PCNX2: variants seen among roughly 807,000 people sequenced by gnomAD.
The protein encoded by PCNX2 is pecanex-like protein 2.
PCNX2 carries 168 observed loss-of-function variants against 223.8 expected under a neutral mutation model. The observed-to-expected ratio is 0.75, with a 90% confidence interval of 0.66 to 0.85. The LOEUF is 0.85. Among genes scored for constraint, PCNX2 ranks in the 40% least tolerant of loss-of-function variants. The pLI is 0.00. For missense variants in PCNX2, 2,507 were observed against 2,675.5 expected (o/e 0.94, Z 1.39); for synonymous variants, 1,006 against 1,052.6 (o/e 0.96, Z 0.86).
chr1:233,156,667 C>T (rs1678149675), intron 19 of PCNX2, among the ~76,000 whole-genome samples: 1 of 152,120 alleles, frequency 6.6e-6, no homozygotes, highest in African/African-American at 2.4e-5. Context: ...CTTGTAATCC[C>T]AGCACTTTGG....
At chr1:233,271,389 A>AG (rs1035695705) in intron 1 of PCNX2, among the ~76,000 whole-genome samples, 32 of 152,340 alleles carry the variant, frequency 2.1e-4, no homozygotes, top group African/African-American at 7.7e-4. Flanking sequence ...TTTTGGCTTG[A>AG]CAAAGTCAAA....
chr1:233,035,568 C>T (rs2102850152), intron 25 of PCNX2, among the ~76,000 whole-genome samples: 1 of 152,310 alleles, frequency 6.6e-6, no homozygotes, highest in South Asian at 2.1e-4. Context: ...AAACCACCCA[C>T]CCATAAAGCA....
intron 25 of PCNX2, among the ~76,000 whole-genome samples, chr1:233,044,531 G>A (rs1399700306): frequency 6.6e-6 from 1 of 152,094 alleles, no homozygotes; most frequent in African/African-American, 2.4e-5. Context: ...GTAGATGCAA[G>A]TAATACTCAT....
chr1:232,999,518 A>G, intron 30 of PCNX2, 139 bp from the exon 31 acceptor site: 2 of 988,026 alleles, frequency 2.0e-6, no homozygotes, highest in Non-Finnish European at 2.9e-6. Flanking sequence ...CAATGGTGCA[A>G]TCTCAGCTCA....
At position 233,170,763 on chromosome 1, in the gene PCNX2, C is replaced by T. The variant is rs538691194; in HGVS notation, c.3273+7039G>A. 3.6e-4 allele frequency among the ~76,000 whole-genome samples: 55 copies of T among 152,220 alleles called. 1 individual carries two copies. Among genetic ancestry groups the T allele is most frequent in the Non-Finnish European group, 6.5e-4 (44 of 68,010 alleles). On this transcript the variant is annotated intron_variant, in intron 17 of 33. Coordinates refer to ENST00000258229, the MANE Select transcript of PCNX2 (RefSeq NM_014801.4). ...TAGTATGACATATTAGTCCAATTTC[C>T]TTTTGTTATTTGTGAATCACTTCTA... is the stretch of plus-strand genomic sequence containing the variant.
rs1318468716 is a variant in PCNX2, at chr1:233,262,031, A to G, written c.480+14T>C. ...TCACATGAAGAGGGTGAAACAGGAA[A>G]GAAGACCACTAACCAATGGCCCAGA... On this transcript the variant is annotated intron_variant, in intron 3 of 33. Transcript: ENST00000258229. 6.2e-7 allele frequency: 1 copy of G among 1,613,370 alleles called. No homozygotes were observed. Among genetic ancestry groups the G allele is most frequent in the East Asian group, 2.2e-5 (1 of 44,864 alleles).
chr1:233,124,461 C>A (rs1278904228), intron 21 of PCNX2, among the ~76,000 whole-genome samples: 1 of 152,080 alleles, frequency 6.6e-6, no homozygotes, highest in Non-Finnish European at 1.5e-5. Context: ...AACTATCTCA[C>A]CAAAAAGATA....
chr1:233,297,839 C>T (rs1335466359), upstream of PCNX2, among the ~76,000 whole-genome samples: 4 of 152,124 alleles, frequency 2.6e-5, no homozygotes, highest in African/African-American at 9.7e-5. Context: ...ACACCTGAAC[C>T]AGCAGGAAGG....
chr1:233,011,789 G>A (rs1443192614), intron 28 of PCNX2, among the ~76,000 whole-genome samples: 1 of 152,200 alleles, frequency 6.6e-6, no homozygotes, highest in African/African-American at 2.4e-5. Context: ...GACCCTTCCA[G>A]ACCTGGCCCT....
intron 32 of PCNX2, among the ~76,000 whole-genome samples, chr1:232,994,075 C>T (rs889894401): frequency 2.6e-5 from 4 of 152,226 alleles, no homozygotes; most frequent in Admixed American, 2.0e-4. Context: ...TTGGAGCCCC[C>T]AGAGTCCCAC....
the PCNX2 span, among the ~76,000 whole-genome samples, chr1:233,309,258 A>G: frequency 1.3e-5 from 2 of 152,194 alleles, no homozygotes; most frequent in Non-Finnish European, 1.5e-5. Context: ...TATTTGGAAT[A>G]TGGCCGGGCG....
chr1:233,005,186 C>T (rs1362633922), intron 28 of PCNX2, among the ~76,000 whole-genome samples: 2 of 152,144 alleles, frequency 1.3e-5, no homozygotes, highest in African/African-American at 2.4e-5. Context: ...GGAAAGGATT[C>T]GGAGGGTCAT....
chr1:233,283,784 G>T (rs1347284423), intron 1 of PCNX2, among the ~76,000 whole-genome samples: 1 of 152,158 alleles, frequency 6.6e-6, no homozygotes, highest in Non-Finnish European at 1.5e-5. Flanking sequence ...CCATTGTAAT[G>T]ATTATTTTAG....
At chr1:233,218,208 GCAAAAAAAAA>G in intron 10 of PCNX2, 24 bp from the exon 11 acceptor site, 4 of 150,478 alleles carry the variant, frequency 2.7e-5, no homozygotes, top group Admixed American at 2.6e-4. Context: ...ATACATAAAA[GCAAAAAAAAA>G]AAAAAAAAAA....
At chr1:233,027,790 C>G (rs926454455) in intron 25 of PCNX2, among the ~76,000 whole-genome samples, 1 of 152,128 alleles carries the variant, frequency 6.6e-6, no homozygotes, top group Non-Finnish European at 1.5e-5. Context: ...ATGTAAAAGC[C>G]ATTCTAAGCT....
At chr1:233,117,781 C>A (rs541185240) in intron 21 of PCNX2, among the ~76,000 whole-genome samples, 8 of 151,746 alleles carry the variant, frequency 5.3e-5, no homozygotes, top group Non-Finnish European at 1.5e-5. Flanking sequence ...GAGGCCGAGG[C>A]GGGCGGATCA....
intron 1 of PCNX2, among the ~76,000 whole-genome samples, chr1:233,276,586 C>G (rs551383266): frequency 3.3e-5 from 5 of 152,322 alleles, no homozygotes; most frequent in Admixed American, 2.6e-4. Flanking sequence ...AATCACCACA[C>G]TGGGTCCTGC....
At chr1:233,112,709 T>TGGTAGA in intron 21 of PCNX2, 6 of 567,758 alleles carry the variant, frequency 1.1e-5, no homozygotes, top group Non-Finnish European at 8.9e-6. Flanking sequence ...GTGTAGATCT[T>TGGTAGA]TGAACAATAT....
chr1:233,232,497 C>T (rs1658125856), intron 9 of PCNX2, among the ~76,000 whole-genome samples: 1 of 151,946 alleles, frequency 6.6e-6, no homozygotes, highest in East Asian at 1.9e-4. Context: ...TGAGGAACAT[C>T]CATATTTAAA....
Sources: allele counts gnomAD v4.1 joint callset (sites outside exome capture counted in the v4.1 genomes callset), GRCh38; gene constraint gnomAD v4.1.1; transcripts MANE v1.5; gene names NCBI Gene and HGNC (gene_info 2026-07-23, HGNC 2026-07-21).